EVI5: variants seen among roughly 807,000 people sequenced by gnomAD.
EVI5 encodes the protein ecotropic viral integration site 5, also known as ecotropic viral integration site 5 protein homolog.
EVI5 carries 73 observed loss-of-function variants against 112.0 expected under a neutral mutation model. The observed-to-expected ratio is 0.65, with a 90% confidence interval of 0.54 to 0.79. The LOEUF (loss-of-function observed/expected upper bound fraction) is 0.79, where lower values mean the gene tolerates loss of function less well. Ranked by LOEUF, EVI5 falls within the 30% of genes least tolerant of loss-of-function variation. The pLI is 0.00. For missense variants in EVI5, 900 were observed against 968.8 expected, an observed-to-expected ratio of 0.93 and a Z score of 0.94; for synonymous variants, 305 against 319.9, an observed-to-expected ratio of 0.95 and a Z score of 0.50.
intron 9 of EVI5, among the ~76,000 whole-genome samples, chr1:92,691,462 GTC>G (rs1669496734): frequency 6.6e-6 from 1 of 152,032 alleles, no homozygotes; most frequent in Non-Finnish European, 1.5e-5. Flanking sequence ...TTTTTGTTAT[GTC>G]TGAAAATTTT....
At chr1:92,579,640 T>C (rs970098029) in intron 18 of EVI5, among the ~76,000 whole-genome samples, 2 of 152,224 alleles carry the variant, frequency 1.3e-5, no homozygotes, top group African/African-American at 4.8e-5. Flanking sequence ...TTTATTACTT[T>C]TAGCTTATAA....
At chr1:92,554,439 A>C (rs1235683141) in intron 19 of EVI5, among the ~76,000 whole-genome samples, 3 of 152,228 alleles carry the variant, frequency 2.0e-5, no homozygotes, top group East Asian at 1.9e-4. Flanking sequence ...CCAGGACCTC[A>C]GCTTCCTCAT....
At chr1:92,777,291 T>A (rs1404397333) in intron 1 of EVI5, among the ~76,000 whole-genome samples, 1 of 152,190 alleles carries the variant, frequency 6.6e-6, no homozygotes, top group African/African-American at 2.4e-5. Flanking sequence ...ATGCAAGAAC[T>A]ATTATTCATG....
At chr1:92,752,538 C>T (rs1034046300) in intron 1 of EVI5, among the ~76,000 whole-genome samples, 1 of 152,042 alleles carries the variant, frequency 6.6e-6, no homozygotes, top group African/African-American at 2.4e-5. Flanking sequence ...CTCCAATGGG[C>T]CCTTTTAATT....
chr1:92,607,323 G>T, intron 17 of EVI5: 1 of 317,628 alleles, frequency 3.1e-6, no homozygotes, highest in Non-Finnish European at 5.6e-6. Context: ...AAACTGTAAA[G>T]AAATACTAGT....
At chr1:92,601,181 A>G (rs1649099680) in intron 18 of EVI5, among the ~76,000 whole-genome samples, 1 of 152,206 alleles carries the variant, frequency 6.6e-6, no homozygotes, top group Non-Finnish European at 1.5e-5. Context: ...CCCTACTATA[A>G]TAACAGTAAC....
intron 1 of EVI5, among the ~76,000 whole-genome samples, chr1:92,763,913 G>A (rs961618293): frequency 1.3e-5 from 2 of 152,072 alleles, no homozygotes; most frequent in East Asian, 1.9e-4. Flanking sequence ...TAGAGAAAAA[G>A]CATCCAATGG....
At chr1:92,628,860 T>C (rs1556565) in intron 14 of EVI5, among the ~76,000 whole-genome samples, 140,282 of 152,274 alleles carry the variant, frequency 0.92, 64,703 homozygotes, top group East Asian at 0.97. Flanking sequence ...CTTTAAATAT[T>C]TTCTCAATTG....
intron 9 of EVI5, among the ~76,000 whole-genome samples, chr1:92,680,711 T>C (rs567983324): frequency 1.3e-5 from 2 of 152,282 alleles, no homozygotes; most frequent in South Asian, 4.1e-4. Flanking sequence ...AAGCTAACAT[T>C]ACCAGTTCTG....
intron 13 of EVI5, among the ~76,000 whole-genome samples, chr1:92,653,123 G>A (rs1307742492): frequency 2.0e-5 from 3 of 152,188 alleles, no homozygotes; most frequent in African/African-American, 4.8e-5. Context: ...GAGCAGCAGC[G>A]ATAGGGTGCT....
chr1:92,630,519 G>T (rs1656788640), intron 14 of EVI5, among the ~76,000 whole-genome samples: 2 of 152,096 alleles, frequency 1.3e-5, no homozygotes, highest in South Asian at 2.1e-4. Context: ...GGGGTTGTTT[G>T]TTTTTTTCTT....
intron 1 of EVI5, among the ~76,000 whole-genome samples, chr1:92,744,623 C>T (rs976547741): frequency 2.0e-5 from 3 of 151,760 alleles, no homozygotes; most frequent in African/African-American, 7.3e-5. Flanking sequence ...CACACACACA[C>T]ACACACACAC....
At chr1:92,742,996 T>A (rs1479669458) in intron 1 of EVI5, among the ~76,000 whole-genome samples, 6 of 152,176 alleles carry the variant, frequency 3.9e-5, no homozygotes. Context: ...CAAGTGTACA[T>A]CAATGGATTA....
chr1:92,774,542 A>C (rs1035622329), intron 1 of EVI5, among the ~76,000 whole-genome samples: 2 of 152,204 alleles, frequency 1.3e-5, no homozygotes, highest in African/African-American at 2.4e-5. Flanking sequence ...CAAAAAAAGC[A>C]TTATCCATAA....
At chr1:92,616,137 A>G (rs990915508) in intron 16 of EVI5, among the ~76,000 whole-genome samples, 1 of 152,162 alleles carries the variant, frequency 6.6e-6, no homozygotes, top group Non-Finnish European at 1.5e-5. Context: ...TAGAGGATGG[A>G]ATCCAAAGGC....
At chr1:92,523,823 C>G (rs565069732) in intron 19 of EVI5, among the ~76,000 whole-genome samples, 1 of 152,048 alleles carries the variant, frequency 6.6e-6, no homozygotes, top group African/African-American at 2.4e-5. Flanking sequence ...TGGTGACTTA[C>G]GCTTGTAATC....
At chr1:92,760,457 C>T (rs564971104) in intron 1 of EVI5, among the ~76,000 whole-genome samples, 4 of 152,164 alleles carry the variant, frequency 2.6e-5, no homozygotes, top group Non-Finnish European at 5.9e-5. Flanking sequence ...AGAAGCGGGG[C>T]ACAGTGGCTC....
At position 92,666,840 on chromosome 1, in the gene EVI5, C is replaced by T. The variant is rs1481301140; in HGVS notation, c.1159-848G>A. Among the ~76,000 whole-genome samples, 5 of 152,026 alleles carry T rather than the reference C, an allele frequency of 3.3e-5. No homozygotes were observed. The East Asian group carries it at 9.6e-4, about 29-fold the overall frequency. On this transcript the variant is annotated intron_variant, in intron 10 of 19. Transcript: ENST00000684568. ...CATACTTACCATAATGACTCATAAT[C>T]AAATATTTTCTTATGTGTTTTAACA...
intron 9 of EVI5, among the ~76,000 whole-genome samples, chr1:92,683,578 G>A (rs1667960301): frequency 6.6e-6 from 1 of 152,198 alleles, no homozygotes; most frequent in Non-Finnish European, 1.5e-5. Flanking sequence ...GACAGAAGTA[G>A]GCTTCAGAAG....
Sources: allele counts gnomAD v4.1 joint callset (sites outside exome capture counted in the v4.1 genomes callset), GRCh38; gene constraint gnomAD v4.1.1; transcripts MANE v1.5; gene names NCBI Gene and HGNC (gene_info 2026-07-23, HGNC 2026-07-21).